The following LAIR1 variants were observed in gnomAD, a reference collection of about 807,000 sequenced individuals.
The protein encoded by LAIR1 is leukocyte-associated immunoglobulin-like receptor 1.
Under a neutral mutation model 32.8 loss-of-function variants are expected in LAIR1, and 24 were observed. That is an observed-to-expected ratio of 0.73 (90% CI 0.53 to 1.03). LAIR1 has a LOEUF of 1.03. LAIR1 is among the 50% of genes least tolerant of loss of function. The pLI is 0.00. For missense variants in LAIR1, 355 were observed against 347.5 expected (o/e 1.02, Z -0.17); for synonymous variants, 150 against 140.5 (o/e 1.07, Z -0.48).
upstream of LAIR1, among the ~76,000 whole-genome samples, chr19:54,371,082 G>A (rs895631569): frequency 2.7e-5 from 4 of 150,742 alleles, no homozygotes; most frequent in African/African-American, 7.4e-5. Context: ...AAAAATCAAC[G>A]TGAAGTCAAC....
At chr19:54,373,294 G>A (rs1357940973), upstream of LAIR1, among the ~76,000 whole-genome samples, 60 of 150,226 alleles carry the variant, frequency 4.0e-4, no homozygotes, top group Non-Finnish European at 4.9e-4. Flanking sequence ...AATACAAAAA[G>A]TTAGCTGGGC....
At position 54,360,783 on chromosome 19, in the gene LAIR1, G is replaced by GA. The variant is rs1569195619; in HGVS notation, c.364+132dup. 41 of 720,136 alleles carry GA rather than the reference G, an allele frequency of 5.7e-5. 1 individual carries two copies. The highest frequency in any genetic ancestry group is 1.0e-4 in the Admixed American group (4 of 39,998). The allele number at this position is 720,136 out of a possible 1,614,324, so 44.6% of individuals were successfully genotyped here. On this transcript the variant is annotated intron_variant, in intron 3 of 9. Transcript: ENST00000391742. ...GGAGGTGTGTGCAGAGGAAGAAGGGGAGGGGAGGGCTTGGGGTCAGGAGGA... is the reference window on the plus strand; with the variant it reads ...GGAGGTGTGTGCAGAGGAAGAAGGGGAAGGGGAGGGCTTGGGGTCAGGAGGA...
chr19:54,364,449 C>A lies in LAIR1; in HGVS notation c.35-119G>T. On this transcript the variant is annotated intron_variant, in intron 1 of 9. Coordinates refer to ENST00000391742, the MANE Select transcript of LAIR1 (RefSeq NM_002287.6). The surrounding 1 kb of genome is among the most constrained non-coding windows in gnomAD (Gnocchi z 4.8). ...CAGCATTTCATAACGACCAAGCCAACCCTCCTCGACATCACTGTCTCCATG... is the reference window on the plus strand; with the variant it reads ...CAGCATTTCATAACGACCAAGCCAAACCTCCTCGACATCACTGTCTCCATG... 6 of 979,590 alleles carry A rather than the reference C, an allele frequency of 6.1e-6. No homozygotes were observed. The highest frequency in any genetic ancestry group is 9.7e-6 in the Non-Finnish European group (6 of 619,400). The allele number at this position is 979,590 out of a possible 1,614,324, so 60.7% of individuals were successfully genotyped here. A position where few individuals can be genotyped will look rare whatever the true frequency, so the allele number is the denominator to read the frequency against.
upstream of LAIR1, among the ~76,000 whole-genome samples, chr19:54,370,757 T>TA (rs2082386111): frequency 6.6e-6 from 1 of 151,156 alleles, no homozygotes; most frequent in African/African-American, 2.5e-5. Context: ...TTTTTTTTTT[T>TA]ATTTTGCTTG....
At chr19:54,374,165 GA>G (rs1350770300), upstream of LAIR1, among the ~76,000 whole-genome samples, 1 of 152,070 alleles carries the variant, frequency 6.6e-6, no homozygotes, top group Non-Finnish European at 1.5e-5. Flanking sequence ...AAATGTACCT[GA>G]GAATGTATAG....
chr19:54,365,058 G>A (rs560169635), upstream of LAIR1: 49 of 1,386,900 alleles, frequency 3.5e-5, no homozygotes, highest in African/African-American at 1.8e-4. Context: ...GCAGATGACC[G>A]TAAACTAGTT....
chr19:54,361,753 A>G (rs2082035559), intron 2 of LAIR1, among the ~76,000 whole-genome samples: 1 of 151,002 alleles, frequency 6.6e-6, no homozygotes, highest in Non-Finnish European at 1.5e-5. Flanking sequence ...CTCACAGCAG[A>G]TGCCCAGCCC....
chr19:54,357,033 C>T, intron 4 of LAIR1, 67 bp from the exon 5 acceptor site: 1 of 1,469,380 alleles, frequency 6.8e-7, no homozygotes, highest in Non-Finnish European at 9.4e-7. Flanking sequence ...GCTCTGAGTC[C>T]TCCCACATCC....
chr19:54,366,724 G>A (rs907468762), upstream of LAIR1, among the ~76,000 whole-genome samples: 3 of 152,074 alleles, frequency 2.0e-5, no homozygotes, highest in East Asian at 5.8e-4. Context: ...TCCTGACCTC[G>A]TGATCCACCC....
upstream of LAIR1, chr19:54,365,028 A>AC: frequency 7.0e-7 from 1 of 1,422,720 alleles, no homozygotes; most frequent in Non-Finnish European, 9.1e-7. Flanking sequence ...AATGTCGCTT[A>AC]CCCTAAATGT....
intron 3 of LAIR1, among the ~76,000 whole-genome samples, chr19:54,360,517 A>G (rs1168981886): frequency 6.6e-6 from 1 of 152,158 alleles, no homozygotes; most frequent in Non-Finnish European, 1.5e-5. Flanking sequence ...CAGGAGAAGC[A>G]CATTGCCTGG....
intron 4 of LAIR1, among the ~76,000 whole-genome samples, chr19:54,358,826 G>C (rs530943772): frequency 3.3e-5 from 5 of 151,422 alleles, no homozygotes; most frequent in African/African-American, 1.2e-4. Flanking sequence ...GTCAGGCATA[G>C]AGCCAGGAGG....
chr19:54,355,949 C>T lies in LAIR1; in HGVS notation c.717+5G>A. ...GGTACTTTAATAACTAGTAGGAAGG[C>T]TCACCGAGGTGTCCGTCTCTCTGTC... On this transcript the variant is annotated splice_donor_5th_base_variant and intron_variant, in intron 9 of 9. Transcript: ENST00000391742. The surrounding 1 kb of genome is among the most constrained non-coding windows in gnomAD (Gnocchi z 4.7). The T allele has an allele frequency of 6.3e-7, 1 of 1,588,074 alleles. No homozygotes were observed. Among genetic ancestry groups the T allele is most frequent in the Non-Finnish European group, 8.7e-7 (1 of 1,155,920 alleles).
At chr19:54,369,651 T>C (rs2082355165), upstream of LAIR1, among the ~76,000 whole-genome samples, 1 of 151,480 alleles carries the variant, frequency 6.6e-6, no homozygotes, top group Non-Finnish European at 1.5e-5. Context: ...AAAACGTTAC[T>C]TGATGTGGGA....
rs199773709 is a variant in LAIR1 at position 54,355,945 on chromosome 19, A to G, written c.717+9T>C. The G allele has an allele frequency of 4.4e-6, 7 of 1,578,470 alleles. No individual in the cohort carries two copies. Among genetic ancestry groups the G allele is most frequent in the Non-Finnish European group, 5.2e-6 (6 of 1,147,224 alleles). On this transcript the variant is annotated intron_variant, in intron 9 of 9. Coordinates refer to ENST00000391742, the MANE Select transcript of LAIR1 (RefSeq NM_002287.6). This position sits in a 1 kb window ranked among gnomAD's most constrained non-coding sequence, Gnocchi z 4.7. ...TTGGGGTACTTTAATAACTAGTAGG[A>G]AGGCTCACCGAGGTGTCCGTCTCTC...
At chr19:54,361,857 A>G (rs1290527762) in intron 2 of LAIR1, among the ~76,000 whole-genome samples, 1 of 152,114 alleles carries the variant, frequency 6.6e-6, no homozygotes, top group African/African-American at 2.4e-5. Context: ...CCTAATTTGC[A>G]TTTCCTTCTT....
At chr19:54,372,448 C>G (rs1176536254), upstream of LAIR1, among the ~76,000 whole-genome samples, 1 of 150,496 alleles carries the variant, frequency 6.6e-6, no homozygotes, top group East Asian at 1.9e-4. Flanking sequence ...CCTCAGAGAA[C>G]TTTGACAAGC....
chr19:54,374,446 C>G (rs187094496), upstream of LAIR1, among the ~76,000 whole-genome samples: 945 of 152,238 alleles, frequency 6.2e-3, 7 homozygotes, highest in Admixed American at 0.023. Flanking sequence ...GGGGTCCACA[C>G]GGCCCACTCC....
At position 54,364,680 on chromosome 19, in the gene LAIR1, A is replaced by C. The variant is rs2082181381; in HGVS notation, c.34+91T>G. The C allele has an allele frequency of 7.0e-6, 8 of 1,139,016 alleles. No homozygotes were observed. The East Asian group carries it at 1.6e-4, about 23-fold the overall frequency. 70.6% of individuals were successfully genotyped at this position (1,139,016 alleles called of 1,614,324 possible). ...GGAGGAGGAGGACACTTTCCTCCCC[A>C]GAATCTTCTGGACTAGAGTCAGGCT... On this transcript the variant is annotated intron_variant, in intron 1 of 9. Transcript: ENST00000391742. The surrounding 1 kb of genome is among the most constrained non-coding windows in gnomAD (Gnocchi z 4.8).
Sources: allele counts gnomAD v4.1 joint callset (sites outside exome capture counted in the v4.1 genomes callset), GRCh38; gene constraint gnomAD v4.1.1; non-coding constraint Gnocchi (gnomAD v3.1); transcripts MANE v1.5; gene names NCBI Gene and HGNC (gene_info 2026-07-23, HGNC 2026-07-21).